CREB3L2: variants seen among roughly 807,000 people sequenced by gnomAD.
CREB3L2 encodes the protein cyclic AMP-responsive element-binding protein 3-like protein 2.
In CREB3L2, 23 loss-of-function variants were observed where a neutral mutation model predicts 57.2. That is an observed-to-expected ratio of 0.40 (90% CI 0.29 to 0.57). CREB3L2 has a LOEUF of 0.57. CREB3L2 is among the 20% of genes least tolerant of loss of function. CREB3L2 has a pLI of 0.42. For missense variants in CREB3L2, 628 were observed against 634.7 expected (o/e 0.99, Z 0.11); for synonymous variants, 268 against 265.1 (o/e 1.01, Z -0.11).
chr7:137,922,563 GA>G, intron 2 of CREB3L2: 1 of 416,106 alleles, frequency 2.4e-6, no homozygotes, highest in South Asian at 1.7e-5. Flanking sequence ...CTTAAAAAGG[GA>G]AATCAGATGA....
Position 137,878,879 on chromosome 7 carries a change from C to T in CREB3L2, c.*1597G>A, listed in dbSNP as rs1799216684. ...GGTGTGGGCTTAATCCCTCTAAGTA[C>T]AGGCTCCAATAACAATGCAGATGAC... On this transcript the variant is annotated 3_prime_UTR_variant, in exon 12 of 12. Transcript: ENST00000330387. The T allele has an allele frequency of 8.2e-6, 3 of 366,520 alleles. No homozygotes were observed. The South Asian group carries it at 8.9e-5, about 11-fold the overall frequency. The allele number at this position is 366,520 out of a possible 1,614,324, so 22.7% of individuals were successfully genotyped here.
intron 1 of CREB3L2, among the ~76,000 whole-genome samples, chr7:137,958,144 TAG>T (rs764467561): frequency 5.3e-5 from 8 of 151,592 alleles, no homozygotes; most frequent in Non-Finnish European, 8.8e-5. Flanking sequence ...GGGAAGAGAG[TAG>T]AGTTTACAGG....
At position 138,001,614 on chromosome 7, in the gene CREB3L2, A is replaced by G. The variant is rs147545797; in HGVS notation, c.92T>C (p.Met31Thr). Residue 31 changes from methionine to threonine, a missense_variant, in exon 1 of 12, where the codon ATG (methionine) becomes ACG (threonine). This residue lies in a region of CREB3L2 where 339 missense variants were observed against 355.4 expected (regional missense o/e 0.95). Coordinates refer to ENST00000330387, the MANE Select transcript of CREB3L2 (RefSeq NM_194071.4). The surrounding 1 kb of genome is among the most constrained non-coding windows in gnomAD (Gnocchi z 4.2). ...CCGCCGGGTCCTCACCGTGTGGTAC[A>G]TGAGGGCCTCGCCGTCCCCGGGCTC... ...LSEPGDGEAL[M>T]YHTHFSELLD... 9 of 1,612,688 alleles carry G rather than the reference A, an allele frequency of 5.6e-6. No individual in the cohort carries two copies. The South Asian group carries it at 8.8e-5, about 16-fold the overall frequency.
At chr7:137,959,333 G>A (rs1048199162) in intron 1 of CREB3L2, among the ~76,000 whole-genome samples, 1 of 152,192 alleles carries the variant, frequency 6.6e-6, no homozygotes. Context: ...GACAGGACTA[G>A]TCTCTGGGTA....
chr7:137,927,339 A>G (rs759952726), intron 2 of CREB3L2, among the ~76,000 whole-genome samples: 5 of 146,418 alleles, frequency 3.4e-5, no homozygotes, highest in African/African-American at 5.1e-5. Flanking sequence ...AGAGGGAGGG[A>G]AAGAGGAAGG....
At chr7:137,928,395 G>A in intron 1 of CREB3L2, 29 bp from the exon 2 acceptor site, 1 of 1,577,172 alleles carries the variant, frequency 6.3e-7, no homozygotes, top group Non-Finnish European at 8.7e-7. Context: ...GAAGAACTCA[G>A]TTTCTCTTAA....
At chr7:137,907,705 T>A (rs1368599315) in intron 5 of CREB3L2, among the ~76,000 whole-genome samples, 1 of 152,210 alleles carries the variant, frequency 6.6e-6, no homozygotes, top group Non-Finnish European at 1.5e-5. Context: ...TTCTTTATTA[T>A]GGTGTCCTCA....
chr7:137,890,390 A>C (rs1429503910), intron 8 of CREB3L2, among the ~76,000 whole-genome samples: 1 of 152,226 alleles, frequency 6.6e-6, no homozygotes, highest in East Asian at 1.9e-4. Flanking sequence ...TCTCTCTGTG[A>C]AACACCAAAA....
At chr7:137,974,174 C>T (rs1054347964) in intron 1 of CREB3L2, among the ~76,000 whole-genome samples, 16 of 152,042 alleles carry the variant, frequency 1.1e-4, no homozygotes, top group Admixed American at 7.2e-4. Flanking sequence ...TGAGGTACAA[C>T]GGTGATGAAA....
Position 138,001,614 on chromosome 7 carries a change from A to C in CREB3L2, c.92T>G (p.Met31Arg). ...CCGCCGGGTCCTCACCGTGTGGTAC[A>C]TGAGGGCCTCGCCGTCCCCGGGCTC... ...LSEPGDGEAL[M>R]YHTHFSELLD... Residue 31 changes from methionine to arginine, a missense_variant, in exon 1 of 12, where the codon ATG becomes AGG. Physicochemically the swap from Met to Arg is moderately conservative, Grantham distance 91 (BLOSUM62 -1). Coordinates refer to ENST00000330387, the MANE Select transcript of CREB3L2 (RefSeq NM_194071.4). This position sits in a 1 kb window ranked among gnomAD's most constrained non-coding sequence, Gnocchi z 4.2. 1.9e-6 allele frequency: 3 copies of C among 1,612,806 alleles called. No individual in the cohort carries two copies. The highest frequency in any genetic ancestry group is 2.5e-6 in the Non-Finnish European group (3 of 1,179,386).
chr7:137,947,974 G>A (rs1018097187), intron 1 of CREB3L2, among the ~76,000 whole-genome samples: 7 of 152,092 alleles, frequency 4.6e-5, no homozygotes, highest in Admixed American at 6.5e-5. Context: ...CTGGAGCCTC[G>A]GGCTCTGCCA....
chr7:137,894,569 G>A (rs1216893546), intron 8 of CREB3L2, among the ~76,000 whole-genome samples: 1 of 152,146 alleles, frequency 6.6e-6, no homozygotes, highest in East Asian at 1.9e-4. Flanking sequence ...ACAGATTTGG[G>A]GTAGAAGTCC....
At chr7:137,969,779 CACA>C (rs1377065982) in intron 1 of CREB3L2, among the ~76,000 whole-genome samples, 1 of 137,592 alleles carries the variant, frequency 7.3e-6, no homozygotes, top group African/African-American at 2.5e-5. Context: ...CACACACACA[CACA>C]CACACACACA....
rs755146141 is a variant in CREB3L2 at position 137,882,549 on chromosome 7, C to G, written c.1350G>C (p.Leu450=). Residue 450 remains leucine, a synonymous_variant, in exon 11 of 12, where the codon CTG becomes CTC. Transcript: ENST00000330387. ...ESSSPGSAGE[L]GGWDRGSSLL... is the part of the protein sequence containing the mutation. ...GGGAGGAACCTCTATCCCAGCCCCC[C>G]AGCTCCCCAGCCGAGCCCGGGCTGG... The G allele has an allele frequency of 1.6e-5, 26 of 1,613,822 alleles. No homozygotes were observed. The highest frequency in any genetic ancestry group is 2.2e-5 in the Non-Finnish European group (26 of 1,179,746).
At position 137,875,045 on chromosome 7, in the gene CREB3L2, AT is replaced by A. The variant is rs556113585; in HGVS notation, c.*5430del. 114 of 184,032 alleles carry A rather than the reference AT, an allele frequency of 6.2e-4. No individual in the cohort carries two copies. The highest frequency in any genetic ancestry group is 2.0e-3 in the Middle Eastern group (1 of 504). The allele number at this position is 184,032 out of a possible 1,614,324, so 11.4% of individuals were successfully genotyped here. The stretch of plus-strand genomic sequence containing the variant: ...TACAAAAGCATAACAATTTCAATTT[AT>A]TTTTTTTTCCCAAACTAAGTACAAG... On this transcript the variant is annotated 3_prime_UTR_variant, in exon 12 of 12. Transcript: ENST00000330387.
chr7:137,989,215 C>G (rs1247276511), intron 1 of CREB3L2, among the ~76,000 whole-genome samples: 1 of 152,132 alleles, frequency 6.6e-6, no homozygotes, highest in African/African-American at 2.4e-5. Flanking sequence ...GCCTCTCCTT[C>G]CCAGCAGAAT....
Position 137,880,171 on chromosome 7 carries a change from C to G in CREB3L2, c.*305G>C, listed in dbSNP as rs769273490. On this transcript the variant is annotated 3_prime_UTR_variant, in exon 12 of 12. Transcript: ENST00000330387. This position sits in a 1 kb window ranked among gnomAD's most constrained non-coding sequence, Gnocchi z 4.0. ...CTCACAGGTGCACATTAGGCAATATCTTTTTGGCACTATTGGTGGAAACAA... is the reference window on the plus strand; with the variant it reads ...CTCACAGGTGCACATTAGGCAATATGTTTTTGGCACTATTGGTGGAAACAA... 2 of 444,920 alleles carry G rather than the reference C, an allele frequency of 4.5e-6. No homozygotes were observed. The highest frequency in any genetic ancestry group is 8.3e-6 in the Non-Finnish European group (2 of 240,948). The allele number at this position is 444,920 out of a possible 1,614,324, so 27.6% of individuals were successfully genotyped here.
At chr7:137,960,816 T>TTTTC (rs1428955675) in intron 1 of CREB3L2, among the ~76,000 whole-genome samples, 1 of 137,118 alleles carries the variant, frequency 7.3e-6, no homozygotes, top group Non-Finnish European at 1.6e-5. Flanking sequence ...TTTCTTTTTT[T>TTTTC]TTTTTTTTTT....
intron 1 of CREB3L2, among the ~76,000 whole-genome samples, chr7:137,936,430 C>T (rs1347606663): frequency 1.3e-5 from 2 of 152,278 alleles, no homozygotes; most frequent in Non-Finnish European, 2.9e-5. Flanking sequence ...AGTTTCCTTA[C>T]CTGTAAACCT....
Sources: allele counts gnomAD v4.1 joint callset (sites outside exome capture counted in the v4.1 genomes callset), GRCh38; gene constraint gnomAD v4.1.1; regional missense constraint gnomAD v4.1.1; non-coding constraint Gnocchi (gnomAD v3.1); transcripts MANE v1.5; gene names NCBI Gene and HGNC (gene_info 2026-07-23, HGNC 2026-07-21).